Variants in CMIP observed in about 807,000 individuals in gnomAD.
CMIP encodes the protein c-Maf inducing protein.
A neutral mutation model predicts 97.3 loss-of-function variants in CMIP; 13 were observed. That is an observed-to-expected ratio of 0.13 (90% CI 0.09 to 0.21). The LOEUF (loss-of-function observed/expected upper bound fraction) is 0.21. Among genes scored for constraint, CMIP ranks in the 10% least tolerant of loss-of-function variants. The pLI is 1.00. For missense variants in CMIP, 847 were observed against 1,024.9 expected (o/e 0.83, Z 2.37); for synonymous variants, 538 against 436.3 (o/e 1.23, Z -2.91).
intron 1 of CMIP, chr16:81,517,955 G>T (rs559996526): frequency 5.4e-5 from 53 of 976,068 alleles, no homozygotes; most frequent in Non-Finnish European, 6.5e-5. Context: ...GAAAATGAAC[G>T]CCAGTGGATG....
intron 1 of CMIP, among the ~76,000 whole-genome samples, chr16:81,446,458 C>A (rs1193023127): frequency 3.3e-5 from 5 of 151,830 alleles, no homozygotes; most frequent in African/African-American, 1.2e-4. Context: ...CGGGTAGGAG[C>A]CTGAACAGGA....
At chr16:81,587,418 C>T (rs117481410) in intron 1 of CMIP, among the ~76,000 whole-genome samples, 83 of 152,278 alleles carry the variant, frequency 5.5e-4, no homozygotes, top group Non-Finnish European at 9.1e-4. Flanking sequence ...CATATGTACT[C>T]GGGGGCCTGT....
At chr16:81,613,182 G>A (rs1034479286) in intron 2 of CMIP, among the ~76,000 whole-genome samples, 6 of 152,176 alleles carry the variant, frequency 3.9e-5, no homozygotes, top group African/African-American at 1.4e-4. Flanking sequence ...TCTCCTAGAG[G>A]CAAGTTCTGG....
chr16:81,693,104 T>A, intron 11 of CMIP, 54 bp from the exon 12 acceptor site: 1 of 1,417,648 alleles, frequency 7.1e-7, no homozygotes. Flanking sequence ...GGGAACATTG[T>A]GCTGTTTCCG....
At chr16:81,606,501 G>A (rs985519900) in intron 1 of CMIP, among the ~76,000 whole-genome samples, 1 of 152,112 alleles carries the variant, frequency 6.6e-6, no homozygotes, top group Admixed American at 6.5e-5. Context: ...TGCCTTCTCG[G>A]GACAGCAAGA....
At chr16:81,617,593 G>T (rs1281511480) in intron 2 of CMIP, 1 of 152,322 alleles carries the variant, frequency 6.6e-6, no homozygotes, top group Non-Finnish European at 1.5e-5. Flanking sequence ...TCGCTACAGA[G>T]GCTGGGGAAG....
chr16:81,606,661 A>G (rs528050937), intron 1 of CMIP, among the ~76,000 whole-genome samples: 21 of 152,018 alleles, frequency 1.4e-4, no homozygotes, highest in Middle Eastern at 6.8e-3. Flanking sequence ...AGTGGGAACC[A>G]AGACAGACCT....
At chr16:81,566,775 A>T (rs117163422) in intron 1 of CMIP, among the ~76,000 whole-genome samples, 4 of 152,250 alleles carry the variant, frequency 2.6e-5, no homozygotes, top group South Asian at 2.1e-4. Context: ...AGTGGAACAG[A>T]TAAACCAATT....
chr16:81,672,285 C>G (rs2092690025), intron 9 of CMIP, among the ~76,000 whole-genome samples: 1 of 152,380 alleles, frequency 6.6e-6, no homozygotes, highest in Admixed American at 6.5e-5. Flanking sequence ...TGAATCAGCA[C>G]CGCAACTGCA....
intron 3 of CMIP, among the ~76,000 whole-genome samples, chr16:81,634,758 C>T (rs569759904): frequency 6.6e-6 from 1 of 152,170 alleles, no homozygotes; most frequent in Non-Finnish European, 1.5e-5. Context: ...AAGTTAAAGC[C>T]CTTTGTAGTA....
intron 1 of CMIP, among the ~76,000 whole-genome samples, chr16:81,595,908 G>A (rs1001009761): frequency 5.9e-5 from 9 of 152,070 alleles, no homozygotes; most frequent in Non-Finnish European, 1.2e-4. Context: ...ATCTAGGAGT[G>A]GAATTACTGG....
rs533923073 is a variant in CMIP at position 81,478,297 on chromosome 16, G to A, written c.300+32756G>A. Among the ~76,000 whole-genome samples the A allele has an allele frequency of 2.0e-5, 3 of 152,336 alleles. No individual in the cohort carries two copies. In the East Asian group the frequency reaches 5.8e-4, roughly 29 times the overall value. ...GGCTTTTACAGGGGCAGAGGGAGTG[G>A]TAAGGTATCAGCAAGCCGTAGAGTA... On this transcript the variant is annotated intron_variant, in intron 1 of 20. Coordinates refer to ENST00000537098, the MANE Select transcript of CMIP (RefSeq NM_198390.3).
chr16:81,535,044 G>A (rs985668667), intron 1 of CMIP, among the ~76,000 whole-genome samples: 5 of 152,150 alleles, frequency 3.3e-5, no homozygotes, highest in Middle Eastern at 3.4e-3. Flanking sequence ...TCTGCCTCCC[G>A]GGTTCATGCC....
intron 1 of CMIP, among the ~76,000 whole-genome samples, chr16:81,467,481 G>A (rs1907273892): frequency 6.6e-6 from 1 of 152,076 alleles, no homozygotes; most frequent in Non-Finnish European, 1.5e-5. Context: ...CCTCAAAAAT[G>A]GCATTTATAC....
chr16:81,485,615 A>G (rs567031536), intron 1 of CMIP, among the ~76,000 whole-genome samples: 2 of 152,300 alleles, frequency 1.3e-5, no homozygotes, highest in East Asian at 3.9e-4. Flanking sequence ...TGGCCTATTT[A>G]TTTAGCTGTA....
intron 6 of CMIP, 83 bp downstream of exon 6, chr16:81,661,029 A>G (rs2092540045): frequency 5.1e-6 from 8 of 1,564,570 alleles, no homozygotes; most frequent in Non-Finnish European, 7.0e-6. Context: ...TTGCACAGAA[A>G]GGCCAAAAAC....
At chr16:81,674,097 C>A (rs1334647172) in intron 9 of CMIP, among the ~76,000 whole-genome samples, 1 of 152,136 alleles carries the variant, frequency 6.6e-6, no homozygotes. Context: ...TCTTTTAATG[C>A]CCTCAGCCTC....
intron 1 of CMIP, among the ~76,000 whole-genome samples, chr16:81,475,421 T>G (rs1057116929): frequency 3.9e-5 from 6 of 152,252 alleles, no homozygotes; most frequent in African/African-American, 1.4e-4. Context: ...CTTTGATGTT[T>G]ATTCTTGTGC....
chr16:81,610,239 C>T (rs776955577), intron 2 of CMIP: 8 of 854,286 alleles, frequency 9.4e-6, no homozygotes, highest in Admixed American at 6.2e-5. Flanking sequence ...CGGCTGTGGC[C>T]GCGGGCCCAG....
Sources: gnomAD v4.1 joint callset for allele counts (sites outside exome capture counted in the v4.1 genomes callset) on GRCh38, gnomAD v4.1.1 for gene constraint, MANE v1.5 for transcripts, NCBI Gene and HGNC (gene_info 2026-07-23, HGNC 2026-07-21) for gene names.